NMB: variants seen among roughly 807,000 people sequenced by gnomAD.
NMB encodes the protein neuromedin-B.
A neutral mutation model predicts 11.7 loss-of-function variants in NMB; 12 were observed. The ratio of observed to expected loss-of-function variants is 1.03; its 90% CI spans 0.66 to 1.66. The LOEUF (loss-of-function observed/expected upper bound fraction) is 1.66. Ranked by LOEUF, NMB falls within the 40% of genes most tolerant of loss-of-function variation. The probability of loss-of-function intolerance (pLI) is 0.00; values close to 1 mark genes in which losing one functional copy is unlikely to be tolerated. For missense variants in NMB, 174 were observed against 157.9 expected, an observed-to-expected ratio of 1.10 and a Z score of -0.55; for synonymous variants, 76 against 72.6, an observed-to-expected ratio of 1.05 and a Z score of -0.24.
intron 1 of NMB, 119 bp from the exon 2 acceptor site, chr15:84,657,467 C>T: frequency 1.1e-6 from 1 of 951,200 alleles, no homozygotes; most frequent in African/African-American, 1.7e-5. Context: ...TAACCTTCCT[C>T]CTCTTGGTGC....
Position 84,657,338 on chromosome 15 carries a change from C to G in NMB, c.168G>C (p.Met56Ile). Reference sequence around the variant, plus strand: ...TGGAAGGCTCCAGACTCTTCTTGCCCATGAAGTGACCTGGAAAGGAGGTGT... The same window carrying G: ...TGGAAGGCTCCAGACTCTTCTTGCCGATGAAGTGACCTGGAAAGGAGGTGT... ...RGNLWATGHF[M>I]GKKSLEPSSP... Residue 56 changes from methionine (M) to isoleucine (I), a missense_variant, in exon 2 of 3, where the codon ATG becomes ATC. By Grantham distance (10) the Met-to-Ile change is conservative (BLOSUM62 1). Transcript: ENST00000360476. 1 of 1,521,744 alleles carries G rather than the reference C, an allele frequency of 6.6e-7. No homozygotes were observed. Among genetic ancestry groups the G allele is most frequent in the Non-Finnish European group, 8.8e-7 (1 of 1,134,840 alleles). The allele number at this position is 1,521,744 out of a possible 1,614,324, so 94.3% of individuals were successfully genotyped here. A position where few individuals can be genotyped will look rare whatever the true frequency, so the allele number is the denominator to read the frequency against.
Position 84,658,021 on chromosome 15 carries a change from G to C in NMB, c.132C>G (p.His44Gln), listed in dbSNP as rs749937047. 15 of 1,598,264 alleles carry C rather than the reference G, an allele frequency of 9.4e-6. No homozygotes were observed. The highest frequency in any genetic ancestry group is 5.1e-5 in the Admixed American group (3 of 58,944). Residue 44 changes from histidine (H) to glutamine (Q), a missense_variant, in exon 1 of 3, where the codon CAC becomes CAG. Around this residue, in one of 2 missense-constraint regions of NMB, gnomAD observed 168 missense variants for 138.4 expected, o/e 1.21. Transcript: ENST00000360476. ...CGGTGGCCCAGAGGTTGCCTCGCGA[G>C]TGCACTCGGATCTTGCTGGCTCGGC... The part of the protein sequence containing the change: ...PRSRASKIRV[H>Q]SRGNLWATGH...
In NMB at chr15:84,658,146, G is replaced by C. The variant is rs371781161; in HGVS notation, c.7C>G (p.Arg3Gly). The C allele has an allele frequency of 1.3e-6, 2 of 1,484,628 alleles. No individual in the cohort carries two copies. Among genetic ancestry groups the C allele is most frequent in the Admixed American group, 2.6e-5 (1 of 38,636 alleles). 92.0% of individuals were successfully genotyped at this position (1,484,628 alleles called of 1,614,324 possible). The change falls in exon 1 of 3, where the codon CGG becomes GGG. Residue 3 changes from arginine (R) to glycine (G), a missense_variant. Arg to Gly is a moderately radical substitution (Grantham distance 125, BLOSUM62 -2). Around this residue, in one of 2 missense-constraint regions of NMB, gnomAD observed 168 missense variants for 138.4 expected, o/e 1.21. Transcript: ENST00000360476. Reference protein sequence around the residue: MARRAGGARMFGS... With the variant: MAGRAGGARMFGS... The stretch of plus-strand genomic sequence containing the variant: ...AACATCCGAGCGCCCCCCGCCCGCC[G>C]GGCCATGGCTGTGCCCGGGCCGCGG...
chr15:84,657,495 G>T, intron 1 of NMB, 147 bp from the exon 2 acceptor site: 1 of 764,764 alleles, frequency 1.3e-6, no homozygotes, highest in Non-Finnish European at 2.0e-6. Flanking sequence ...TCACCAAGGA[G>T]CCACAAAGGT....
chr15:84,655,464 G>A (rs1389171521), intron 2 of NMB, 55 bp from the exon 3 acceptor site: 5 of 1,607,698 alleles, frequency 3.1e-6, no homozygotes, highest in Non-Finnish European at 4.2e-6. Context: ...GATAAAGATA[G>A]GGGCATCCTG....
chr15:84,657,926 G>A, intron 1 of NMB, 70 bp downstream of exon 1: 1 of 1,502,208 alleles, frequency 6.7e-7, no homozygotes, highest in African/African-American at 1.5e-5. Flanking sequence ...GGAGCGGCCA[G>A]AGGGTTGAGA....
Position 84,657,281 on chromosome 15 carries a change from G to C in NMB, c.225C>G (p.Thr75=). The part of the protein sequence containing the change: ...SPSPLGTAPH[T]SLRDQRLQLS... ...GCTGCAGTCGCTGGTCCCTCAGGGA[G>C]GTGTGGGGAGCTGTCCCCAATGGGG... The change falls in exon 2 of 3, where the codon ACC becomes ACG. Residue 75 remains threonine, a synonymous_variant. Transcript: ENST00000360476. 6.2e-7 allele frequency: 1 copy of C among 1,603,708 alleles called. No individual in the cohort carries two copies. The highest frequency in any genetic ancestry group is 8.5e-7 in the Non-Finnish European group (1 of 1,175,126).
At position 84,655,471 on chromosome 15, in the gene NMB, C is replaced by T; in HGVS notation, c.331-62G>A. The T allele has an allele frequency of 4.4e-6, 7 of 1,603,574 alleles. No homozygotes were observed. The South Asian group carries it at 6.6e-5, about 15-fold the overall frequency. On this transcript the variant is annotated intron_variant, in intron 2 of 2. Transcript: ENST00000360476. Reference sequence around the variant, plus strand: ...GGGCTCCTGATAAAGATAGGGGCATCCTGCCATTCCTAAGTGCCAGATGTC... The same window carrying T: ...GGGCTCCTGATAAAGATAGGGGCATTCTGCCATTCCTAAGTGCCAGATGTC...
At chr15:84,656,054 C>T (rs1896777584) in intron 2 of NMB, among the ~76,000 whole-genome samples, 1 of 152,174 alleles carries the variant, frequency 6.6e-6, no homozygotes, top group Non-Finnish European at 1.5e-5. Context: ...GAGCTCGCAT[C>T]TACTAAGGGC....
rs3748371 is a variant in NMB, at chr15:84,655,336, A to G, written c.*38T>C. On this transcript the variant is annotated 3_prime_UTR_variant, in exon 3 of 3. Transcript: ENST00000360476. ...TCAGCACCTTCCCTGGGTGGGCACA[A>G]TCTAAGCCACGCTGTTGTGTCTGCC... The G allele has an allele frequency of 1.8e-4, 296 of 1,614,188 alleles. No individual in the cohort carries two copies. In the East Asian group the frequency reaches 6.1e-3, roughly 33 times the overall value.
In NMB at chr15:84,657,309, G is replaced by A. The variant is rs762818522; in HGVS notation, c.197C>T (p.Pro66Leu). ...MGKKSLEPSS[P>L]SPLGTAPHTS... ...GTGGGGAGCTGTCCCCAATGGGGAT[G>A]GGCTGGAAGGCTCCAGACTCTTCTT... Residue 66 changes from proline (P) to leucine (L), a missense_variant, in exon 2 of 3, where the codon CCA becomes CTA. Physicochemically the swap from Pro to Leu is moderately conservative, Grantham distance 98. Coordinates refer to ENST00000360476, the MANE Select transcript of NMB (RefSeq NM_021077.4). 1.3e-6 allele frequency: 2 copies of A among 1,580,132 alleles called. No individual in the cohort carries two copies. Among genetic ancestry groups the A allele is most frequent in the South Asian group, 2.3e-5 (2 of 86,304 alleles).
In NMB at chr15:84,655,170, G is replaced by A. The variant is rs975482738; in HGVS notation, c.*204C>T. 2 of 1,371,126 alleles carry A rather than the reference G, an allele frequency of 1.5e-6. No individual in the cohort carries two copies. Among genetic ancestry groups the A allele is most frequent in the African/African-American group, 1.5e-5 (1 of 68,416 alleles). 84.9% of individuals were successfully genotyped at this position (1,371,126 alleles called of 1,614,324 possible). A position where few individuals can be genotyped will look rare whatever the true frequency, so the allele number is the denominator to read the frequency against. On this transcript the variant is annotated 3_prime_UTR_variant, in exon 3 of 3. Transcript: ENST00000360476. ...AGGTTTTATTCACCAATTCAACAGG[G>A]AAGCAGGAAATACAGCAGGAACATA...
At position 84,657,266 on chromosome 15, in the gene NMB, C is replaced by G; in HGVS notation, c.240G>C (p.Gln80His). 6.2e-7 allele frequency: 1 copy of G among 1,608,298 alleles called. No individual in the cohort carries two copies. Among genetic ancestry groups the G allele is most frequent in the Non-Finnish European group, 8.5e-7 (1 of 1,177,502 alleles). The change falls in exon 2 of 3, where the codon CAG becomes CAC. Residue 80 changes from glutamine to histidine, a missense_variant. Gln to His is a conservative substitution (Grantham distance 24). Coordinates refer to ENST00000360476, the MANE Select transcript of NMB (RefSeq NM_021077.4). Reference protein sequence around the residue: ...GTAPHTSLRDQRLQLSHDLLG... With the variant: ...GTAPHTSLRDHRLQLSHDLLG... ...GCAGATCATGACTCAGCTGCAGTCG[C>G]TGGTCCCTCAGGGAGGTGTGGGGAG...
intron 2 of NMB, among the ~76,000 whole-genome samples, chr15:84,656,151 G>T (rs1375801038): frequency 6.6e-6 from 1 of 152,162 alleles, no homozygotes; most frequent in Non-Finnish European, 1.5e-5. Context: ...CATTTTATGG[G>T]TGAAGAATAT....
At chr15:84,656,877 G>A (rs906017062) in intron 2 of NMB, among the ~76,000 whole-genome samples, 2 of 152,138 alleles carry the variant, frequency 1.3e-5, no homozygotes, top group Non-Finnish European at 2.9e-5. Flanking sequence ...GCTCCAAAAG[G>A]CTGATGATCC....
At chr15:84,656,575 C>T (rs1896785586) in intron 2 of NMB, among the ~76,000 whole-genome samples, 2 of 150,424 alleles carry the variant, frequency 1.3e-5, no homozygotes, top group Non-Finnish European at 3.0e-5. Context: ...TCCCATGATG[C>T]ACACGTCAGC....
intron 1 of NMB, 143 bp downstream of exon 1, chr15:84,657,853 A>T: frequency 1.0e-6 from 1 of 957,540 alleles, no homozygotes; most frequent in Non-Finnish European, 1.5e-6. Flanking sequence ...TCAAGTACAT[A>T]TCTATTAAAT....
chr15:84,655,198 CTG>C lies in NMB; in HGVS notation c.*174_*175del. 6.8e-7 allele frequency: 1 copy of C among 1,474,412 alleles called. No individual in the cohort carries two copies. Among genetic ancestry groups the C allele is most frequent in the East Asian group, 2.3e-5 (1 of 43,612 alleles). 91.3% of individuals were successfully genotyped at this position (1,474,412 alleles called of 1,614,324 possible). On this transcript the variant is annotated 3_prime_UTR_variant, in exon 3 of 3. Transcript: ENST00000360476. Reference sequence around the variant, plus strand: ...GCAGGAAATACAGCAGGAACATAATCTGTGTCTGCATCAGCGATATTTCTGGT... The same window carrying C: ...GCAGGAAATACAGCAGGAACATAATCTGTCTGCATCAGCGATATTTCTGGT...
At chr15:84,657,495 G>C (rs974272627) in intron 1 of NMB, 147 bp from the exon 2 acceptor site, 12 of 764,646 alleles carry the variant, frequency 1.6e-5, no homozygotes, top group Non-Finnish European at 2.1e-5. Flanking sequence ...TCACCAAGGA[G>C]CCACAAAGGT....
Sources: allele counts gnomAD v4.1 joint callset (sites outside exome capture counted in the v4.1 genomes callset), GRCh38; gene constraint gnomAD v4.1.1; regional missense constraint gnomAD v4.1.1; transcripts MANE v1.5; gene names NCBI Gene and HGNC (gene_info 2026-07-23, HGNC 2026-07-21).